The following DPY19L3 variants were observed in gnomAD, a reference collection of about 807,000 sequenced individuals.
DPY19L3 encodes the protein dpy-19 like C-mannosyltransferase 3, also known as protein C-mannosyl-transferase DPY19L3.
In DPY19L3, 51 loss-of-function variants were observed where a neutral mutation model predicts 92.3. The ratio of observed to expected loss-of-function variants is 0.55; its 90% CI spans 0.44 to 0.70. The LOEUF is 0.70. Among genes scored for constraint, DPY19L3 ranks in the 30% least tolerant of loss-of-function variants. The probability of loss-of-function intolerance (pLI) is 0.00; values close to 1 mark genes in which losing one functional copy is unlikely to be tolerated. For missense variants in DPY19L3, 706 were observed against 855.9 expected (o/e 0.82, Z 2.18); for synonymous variants, 309 against 315.2 (o/e 0.98, Z 0.21).
chr19:32,411,956 A>T (rs1968199114), intron 3 of DPY19L3: 1 of 152,334 alleles, frequency 6.6e-6, no homozygotes, highest in South Asian at 2.1e-4. Flanking sequence ...GGGTCACTGC[A>T]GCCTCAACCT....
At chr19:32,440,085 A>G (rs1175703034) in intron 8 of DPY19L3, among the ~76,000 whole-genome samples, 175 bp downstream of exon 8, 1 of 152,238 alleles carries the variant, frequency 6.6e-6, no homozygotes, top group African/African-American at 2.4e-5. Context: ...TAGTTTGACC[A>G]TCTTAACTTT....
At chr19:32,471,719 T>C (rs1970363400) in intron 16 of DPY19L3, among the ~76,000 whole-genome samples, 1 of 152,114 alleles carries the variant, frequency 6.6e-6, no homozygotes. Context: ...TTCTCTGCTT[T>C]AAGGGTAAAT....
At position 32,413,616 on chromosome 19, in the gene DPY19L3, C is replaced by T. The variant is rs536747109; in HGVS notation, c.237+2244C>T. Among the ~76,000 whole-genome samples, 7 of 142,160 alleles carry T rather than the reference C, an allele frequency of 4.9e-5. No individual in the cohort carries two copies. The East Asian group carries it at 1.6e-3, about 32-fold the overall frequency. 93.3% of individuals were successfully genotyped at this position (142,160 alleles called of 152,430 possible). ...CCCTCCCCCTCCCCCCACCCCACAA[C>T]AGTCCCCAGAGTGTGATGTTCCCCT... On this transcript the variant is annotated intron_variant, in intron 3 of 18. Coordinates refer to ENST00000392250, the MANE Select transcript of DPY19L3 (RefSeq NM_001172774.2).
intron 3 of DPY19L3, chr19:32,412,466 A>AT (rs397715629): frequency 6.7e-6 from 1 of 149,532 alleles, no homozygotes. Context: ...AAAAAAAAAA[A>AT]CAGAAAAGGA....
intron 3 of DPY19L3, among the ~76,000 whole-genome samples, chr19:32,416,690 A>G (rs778296356): frequency 6.6e-6 from 1 of 152,248 alleles, no homozygotes; most frequent in Admixed American, 6.5e-5. Flanking sequence ...AGCTTTCATT[A>G]TCTTTTCCCC....
intron 8 of DPY19L3, among the ~76,000 whole-genome samples, chr19:32,452,528 A>T (rs1346639661): frequency 6.6e-6 from 1 of 152,246 alleles, no homozygotes; most frequent in Non-Finnish European, 1.5e-5. Context: ...AGAAAACTGA[A>T]GATTATAAAT....
intron 16 of DPY19L3, among the ~76,000 whole-genome samples, chr19:32,472,830 A>G (rs1184141071): frequency 2.0e-5 from 3 of 152,230 alleles, no homozygotes; most frequent in South Asian, 4.1e-4. Context: ...CTTTCCAGTA[A>G]TGAAACCCGT....
At chr19:32,468,420 T>A (rs1365703239) in intron 15 of DPY19L3, 2 of 1,036,290 alleles carry the variant, frequency 1.9e-6, no homozygotes, top group Admixed American at 5.3e-5. Context: ...GTCAAAATAA[T>A]GTTTTGCCAG....
intron 16 of DPY19L3, among the ~76,000 whole-genome samples, chr19:32,472,309 A>G (rs900278986): frequency 1.1e-4 from 16 of 152,068 alleles, no homozygotes; most frequent in Non-Finnish European, 2.4e-4. Flanking sequence ...CATGTTGTTA[A>G]AGTCAGGGCC....
chr19:32,464,649 C>A, intron 14 of DPY19L3, 79 bp from the exon 15 acceptor site: 2 of 876,692 alleles, frequency 2.3e-6, no homozygotes, highest in South Asian at 1.8e-5. Flanking sequence ...CCAGCCTAGG[C>A]AAACATAGCA....
At chr19:32,452,256 G>A (rs903874850) in intron 8 of DPY19L3, among the ~76,000 whole-genome samples, 4 of 152,158 alleles carry the variant, frequency 2.6e-5, no homozygotes, top group African/African-American at 7.2e-5. Flanking sequence ...CACCAGAATC[G>A]GAACTGCAGT....
At chr19:32,482,008 T>C in intron 18 of DPY19L3, 71 bp from the exon 19 acceptor site, 2 of 1,548,354 alleles carry the variant, frequency 1.3e-6, no homozygotes, top group Non-Finnish European at 1.8e-6. Flanking sequence ...CCAATACCCA[T>C]TCCTGCTCCT....
chr19:32,437,857 A>G (rs1192837951), intron 6 of DPY19L3, among the ~76,000 whole-genome samples: 2 of 151,802 alleles, frequency 1.3e-5, no homozygotes, highest in African/African-American at 2.4e-5. Context: ...TGTTTTTTGT[A>G]GAGACAGGAT....
Position 32,454,959 on chromosome 19 carries a change from C to T in DPY19L3, c.1008C>T (p.Ser336=). ...TCTAGAAAAATCTGAAAACTGGAAG[C>T]TTCCTTAATAGGCTTGGGAAACTTT... ...RKLQKNLKTG[S]FLNRLGKLLL... The change falls in exon 10 of 19, where the codon AGC becomes AGT. Residue 336 remains serine, a synonymous_variant. Coordinates refer to ENST00000392250, the MANE Select transcript of DPY19L3 (RefSeq NM_001172774.2). 1 of 1,565,570 alleles carries T rather than the reference C, an allele frequency of 6.4e-7. No individual in the cohort carries two copies. The highest frequency in any genetic ancestry group is 2.3e-5 in the East Asian group (1 of 43,334).
chr19:32,415,578 G>T (rs1968352044), intron 3 of DPY19L3, among the ~76,000 whole-genome samples: 1 of 152,176 alleles, frequency 6.6e-6, no homozygotes, highest in Non-Finnish European at 1.5e-5. Context: ...TTTAGTAGAG[G>T]CAGCGATGTC....
intron 12 of DPY19L3, among the ~76,000 whole-genome samples, chr19:32,459,856 TC>T (rs1261334934): frequency 6.6e-6 from 1 of 152,182 alleles, no homozygotes; most frequent in African/African-American, 2.4e-5. Flanking sequence ...AGAATCATAG[TC>T]CAGTCATGTC....
chr19:32,479,213 A>G (rs1391314655), intron 17 of DPY19L3, among the ~76,000 whole-genome samples: 4 of 152,162 alleles, frequency 2.6e-5, no homozygotes, highest in African/African-American at 7.2e-5. Context: ...TCCTGCTAAA[A>G]TAGGAATTTT....
intron 3 of DPY19L3, among the ~76,000 whole-genome samples, chr19:32,414,353 G>A (rs1328350408): frequency 3.3e-5 from 5 of 151,722 alleles, no homozygotes; most frequent in South Asian, 2.1e-4. Flanking sequence ...CCTGGGAGGC[G>A]GAGCTTGCAG....
intron 15 of DPY19L3, among the ~76,000 whole-genome samples, chr19:32,465,784 A>G (rs1016467696): frequency 2.0e-5 from 3 of 152,230 alleles, no homozygotes; most frequent in Non-Finnish European, 4.4e-5. Context: ...CAAAACATTT[A>G]CCATTAGCAA....
Sources: gnomAD v4.1 joint callset for allele counts (sites outside exome capture counted in the v4.1 genomes callset) on GRCh38, gnomAD v4.1.1 for gene constraint, MANE v1.5 for transcripts, NCBI Gene and HGNC (gene_info 2026-07-23, HGNC 2026-07-21) for gene names.